EXTL3: variants seen among roughly 807,000 people sequenced by gnomAD.
The protein encoded by EXTL3 is exostosin like glycosyltransferase 3, also known as exostosin-like 3.
EXTL3 carries 27 observed loss-of-function variants against 69.3 expected under a neutral mutation model. The observed-to-expected ratio is 0.39, with a 90% CI of 0.29 to 0.54. EXTL3 has a LOEUF of 0.54. Ranked by LOEUF, EXTL3 falls within the 20% of genes least tolerant of loss-of-function variation. The pLI, the probability that EXTL3 is intolerant of heterozygous loss-of-function variation, is 0.69. For synonymous variants in EXTL3, 511 were observed against 499.4 expected (o/e 1.02, Z -0.31); for missense variants, 1,003 against 1,231.8 (o/e 0.81, Z 2.78).
In EXTL3 at chr8:28,686,746, T is replaced by C. The variant is rs538161409; in HGVS notation, c.-52-26711T>C. 7.9e-5 allele frequency among the ~76,000 whole-genome samples: 12 copies of C among 152,250 alleles called. No individual in the cohort carries two copies. In the South Asian group the frequency reaches 2.1e-3, roughly 26 times the overall value. On this transcript the variant is annotated intron_variant, in intron 1 of 6. Transcript: ENST00000523149. ...GAAAGGACAAGATAGACCAAGTAGG[T>C]AGATATTGCATTCCACCCGGTAGCA...
Position 28,750,188 on chromosome 8 carries a change from T to TAAA in EXTL3, c.2551-468_2551-466dup, listed in dbSNP as rs1019320158. 1.3e-5 allele frequency among the ~76,000 whole-genome samples: 2 copies of TAAA among 152,216 alleles called. No individual in the cohort carries two copies. Among genetic ancestry groups the TAAA allele is most frequent in the Non-Finnish European group, 2.9e-5 (2 of 68,036 alleles). On this transcript the variant is annotated intron_variant, in intron 6 of 6. Coordinates refer to ENST00000220562, the MANE Select transcript of EXTL3 (RefSeq NM_001440.4). The surrounding 1 kb of genome is among the most constrained non-coding windows in gnomAD (Gnocchi z 5.2). ...TAGTATGGCCACTTTCCCATGGCTT[T>TAAA]AAATGTAGTTAAGCATCTTTTTTAT...
chr8:28,723,648 T>G (rs1229968114), intron 3 of EXTL3, among the ~76,000 whole-genome samples: 3 of 150,858 alleles, frequency 2.0e-5, no homozygotes, highest in Non-Finnish European at 4.4e-5. Flanking sequence ...CTGTTTTTTT[T>G]TTTTTTTTTT....
chr8:28,635,715 C>CCACACA (rs146671194), intron 1 of EXTL3, among the ~76,000 whole-genome samples: 78 of 142,820 alleles, frequency 5.5e-4, no homozygotes, highest in South Asian at 4.6e-3. Flanking sequence ...CCCCACAACT[C>CCACACA]CACACACACA....
At chr8:28,696,017 A>G (rs1193703380) in intron 1 of EXTL3, among the ~76,000 whole-genome samples, 2 of 152,050 alleles carry the variant, frequency 1.3e-5, no homozygotes, top group Non-Finnish European at 2.9e-5. Flanking sequence ...TCCTGGCTCA[A>G]GCGATCCTCC....
At chr8:28,610,453 A>G (rs1167850547) in intron 2 of EXTL3, among the ~76,000 whole-genome samples, 1 of 152,102 alleles carries the variant, frequency 6.6e-6, no homozygotes, top group Non-Finnish European at 1.5e-5. Context: ...AGTCCTGGCA[A>G]ATACACTACC....
At chr8:28,698,199 G>C (rs961605574), upstream of EXTL3, 1 of 152,228 alleles carries the variant, frequency 6.6e-6, no homozygotes, top group Admixed American at 6.5e-5. Context: ...AAGGTAAAGA[G>C]AGAAGTCAAA....
intron 2 of EXTL3, among the ~76,000 whole-genome samples, chr8:28,617,143 C>T (rs1806340844): frequency 6.6e-6 from 1 of 152,114 alleles, no homozygotes; most frequent in African/African-American, 2.4e-5. Context: ...TGCAAGATTG[C>T]CCTGTCCTAC....
At chr8:28,665,816 G>A (rs1236138224) in intron 1 of EXTL3, among the ~76,000 whole-genome samples, 1 of 152,020 alleles carries the variant, frequency 6.6e-6, no homozygotes, top group African/African-American at 2.4e-5. Context: ...TTCTGGATAG[G>A]TTTTCTATGT....
At chr8:28,633,060 C>T (rs1444587039) in intron 1 of EXTL3, among the ~76,000 whole-genome samples, 1 of 152,040 alleles carries the variant, frequency 6.6e-6, no homozygotes, top group Non-Finnish European at 1.5e-5. Flanking sequence ...AAATAGAGGC[C>T]GAGTGTTGTG....
At chr8:28,720,881 G>A (rs1037151697) in intron 3 of EXTL3, among the ~76,000 whole-genome samples, 1 of 152,216 alleles carries the variant, frequency 6.6e-6, no homozygotes, top group Non-Finnish European at 1.5e-5. Flanking sequence ...GCCAACTAGA[G>A]AGTATTATTA....
At chr8:28,705,060 AG>A (rs753286847) in intron 1 of EXTL3, among the ~76,000 whole-genome samples, 5 of 152,244 alleles carry the variant, frequency 3.3e-5, no homozygotes, top group Non-Finnish European at 5.9e-5. Context: ...TGGAAAATTA[AG>A]GGGGGCCTTA....
chr8:28,704,428 G>A (rs901134663), intron 1 of EXTL3, among the ~76,000 whole-genome samples: 15 of 152,202 alleles, frequency 9.9e-5, no homozygotes, highest in South Asian at 2.1e-4. Context: ...GGCAGCTGCC[G>A]CTTGCGGGTG....
Position 28,717,116 on chromosome 8 carries a change from C to T in EXTL3, c.1057C>T (p.Leu353=). 4 of 1,614,236 alleles carry T rather than the reference C, an allele frequency of 2.5e-6. No homozygotes were observed. Among genetic ancestry groups the T allele is most frequent in the Non-Finnish European group, 2.5e-6 (3 of 1,180,042 alleles). Residue 353 remains leucine, a synonymous_variant, in exon 3 of 7, where the codon CTG becomes TTG. Transcript: ENST00000220562. The surrounding 1 kb of genome is among the most constrained non-coding windows in gnomAD (Gnocchi z 8.3). ...CTTCCAGGGCGAGAAGATTGAGTCT[C>T]TGAGGTCTAGCCTTCAGGAGGCCCG... is the stretch of plus-strand genomic sequence containing the variant. The part of the protein sequence containing the change: ...FTFQGEKIES[L]RSSLQEARSF...
At chr8:28,729,070 C>T (rs982154907) in intron 3 of EXTL3, among the ~76,000 whole-genome samples, 1 of 151,212 alleles carries the variant, frequency 6.6e-6, no homozygotes, top group African/African-American at 2.4e-5. Context: ...CTGAGGCAGG[C>T]AGATGCCATG....
intron 3 of EXTL3, among the ~76,000 whole-genome samples, chr8:28,720,854 A>G (rs1435447501): frequency 6.6e-6 from 1 of 152,202 alleles, no homozygotes; most frequent in African/African-American, 2.4e-5. Flanking sequence ...GCATAACAAC[A>G]AAGATATCTA....
intron 1 of EXTL3, among the ~76,000 whole-genome samples, chr8:28,703,882 G>A (rs934429251): frequency 4.6e-5 from 7 of 152,032 alleles, no homozygotes; most frequent in African/African-American, 1.7e-4. Context: ...CTATCATTTC[G>A]AAGACTTTCA....
chr8:28,703,518 T>C (rs1800855959), intron 1 of EXTL3, among the ~76,000 whole-genome samples: 1 of 152,130 alleles, frequency 6.6e-6, no homozygotes, highest in Non-Finnish European at 1.5e-5. Context: ...ACCTGTTCTT[T>C]TCCGCAGGGC....
chr8:28,612,343 A>G (rs1383584635), intron 2 of EXTL3, among the ~76,000 whole-genome samples: 1 of 152,124 alleles, frequency 6.6e-6, no homozygotes, highest in Non-Finnish European at 1.5e-5. Flanking sequence ...AGTCCCAGCA[A>G]CTTGGGAGGC....
intron 1 of EXTL3, among the ~76,000 whole-genome samples, chr8:28,641,115 T>C (rs1266122388): frequency 1.3e-5 from 2 of 152,228 alleles, no homozygotes; most frequent in Non-Finnish European, 1.5e-5. Context: ...GGTTAATACC[T>C]AACACATTGC....
Sources: allele counts gnomAD v4.1 joint callset (sites outside exome capture counted in the v4.1 genomes callset), GRCh38; gene constraint gnomAD v4.1.1; non-coding constraint Gnocchi (gnomAD v3.1); transcripts MANE v1.5; gene names NCBI Gene and HGNC (gene_info 2026-07-23, HGNC 2026-07-21).